Variants in SRSF1 observed in about 807,000 individuals in gnomAD.
SRSF1 encodes serine and arginine rich splicing factor 1, also known as serine/arginine-rich splicing factor 1.
Under a neutral mutation model 25.9 loss-of-function variants are expected in SRSF1, and 1 was observed. The ratio of observed to expected loss-of-function variants is 0.04; its 90% CI spans 0.01 to 0.18. The LOEUF is 0.18. Among genes scored for constraint, SRSF1 ranks in the 10% least tolerant of loss-of-function variants. SRSF1 has a pLI of 1.00. For missense variants in SRSF1, 65 were observed against 350.5 expected, an observed-to-expected ratio of 0.19 and a Z score of 6.50; for synonymous variants, 132 against 126.2, an observed-to-expected ratio of 1.05 and a Z score of -0.31.
chr17:58,001,006 CTG>C lies in SRSF1; in HGVS notation c.*4398_*4399del, dbSNP rs771466508. Among the ~76,000 whole-genome samples, 1 of 152,110 alleles carries C rather than the reference CTG, an allele frequency of 6.6e-6. No homozygotes were observed. The highest frequency in any genetic ancestry group is 1.5e-5 in the Non-Finnish European group (1 of 67,984). The stretch of plus-strand genomic sequence containing the variant: ...TGGATTTCAAAAAATGGATAAGAGA[CTG>C]TAATCTGTTTTCTGCGTTTGCAGTC... On this transcript the variant is annotated 3_prime_UTR_variant, in exon 4 of 4. Coordinates refer to ENST00000258962, the MANE Select transcript of SRSF1 (RefSeq NM_006924.5).
At chr17:57,992,376 A>T in the SRSF1 span, 4 of 152,226 alleles carry the variant, frequency 2.6e-5, no homozygotes, top group Non-Finnish European at 5.9e-5. Flanking sequence ...ATGGCTGAGC[A>T]TGGAAAAAGT....
chr17:57,999,132 GA>G (rs1396718680), downstream of SRSF1, among the ~76,000 whole-genome samples: 2 of 152,136 alleles, frequency 1.3e-5, no homozygotes, highest in Non-Finnish European at 2.9e-5. Context: ...GTGAGGCCTA[GA>G]AAATAGAAAA....
chr17:57,997,422 TAA>T (rs939447717), downstream of SRSF1, among the ~76,000 whole-genome samples: 4 of 152,228 alleles, frequency 2.6e-5, no homozygotes, highest in African/African-American at 9.6e-5. Flanking sequence ...CCATCAATAT[TAA>T]AACTGTCAGC....
chr17:58,006,140 T>G lies in SRSF1; in HGVS notation c.380-167A>C, dbSNP rs2075425413. 22 of 962,246 alleles carry G rather than the reference T, an allele frequency of 2.3e-5. No individual in the cohort carries two copies. In the South Asian group the frequency reaches 3.9e-4, roughly 17 times the overall value. 59.6% of individuals were successfully genotyped at this position (962,246 alleles called of 1,614,324 possible). ...TCTGGAATCCAGAGTCCAAAATTAT[T>G]TGTAACGATCTTCGTATCTAGTACC... On this transcript the variant is annotated intron_variant, in intron 2 of 3. Transcript: ENST00000258962.
At chr17:57,995,824 A>T in the SRSF1 span, among the ~76,000 whole-genome samples, 4 of 152,200 alleles carry the variant, frequency 2.6e-5, no homozygotes, top group Non-Finnish European at 5.9e-5. Flanking sequence ...AATGAAACTA[A>T]ATACTACGTG....
chr17:58,006,859 C>G, intron 1 of SRSF1, 85 bp downstream of exon 1: 2 of 1,495,804 alleles, frequency 1.3e-6, no homozygotes, highest in Admixed American at 1.8e-5. Flanking sequence ...GCCCCCGCTT[C>G]CCCGTTCTCT....
chr17:58,006,104 G>T, intron 2 of SRSF1, 131 bp from the exon 3 acceptor site: 1 of 997,894 alleles, frequency 1.0e-6, no homozygotes, highest in Non-Finnish European at 1.4e-6. Flanking sequence ...GGTAAAGAGA[G>T]CTGGTAAGAT....
downstream of SRSF1, among the ~76,000 whole-genome samples, chr17:57,999,835 T>C (rs543222488): frequency 8.7e-4 from 133 of 152,294 alleles, no homozygotes; most frequent in Admixed American, 1.7e-3. Flanking sequence ...TATAGCATCC[T>C]AGAGAAGCTG....
chr17:58,005,242 C>A lies in SRSF1; in HGVS notation c.*164G>T, dbSNP rs781025039. ...CTTAAAATACAATTTATCAAAGACA[C>A]GAAGGGAATGTAGATGTTAGGAGCA... On this transcript the variant is annotated 3_prime_UTR_variant, in exon 4 of 4. Coordinates refer to ENST00000258962, the MANE Select transcript of SRSF1 (RefSeq NM_006924.5). The surrounding 1 kb of genome is among the most constrained non-coding windows in gnomAD (Gnocchi z 5.2). 1 of 697,606 alleles carries A rather than the reference C, an allele frequency of 1.4e-6. No homozygotes were observed. The allele number at this position is 697,606 out of a possible 1,614,324, so 43.2% of individuals were successfully genotyped here.
chr17:57,989,423 CTT>C, the SRSF1 span: 9 of 397,632 alleles, frequency 2.3e-5, no homozygotes, highest in Non-Finnish European at 3.5e-5. Context: ...TATTTTAAGA[CTT>C]TAACATTTTC....
At chr17:57,996,497 A>AAAAAC (rs2075365802), downstream of SRSF1, among the ~76,000 whole-genome samples, 1 of 151,210 alleles carries the variant, frequency 6.6e-6, no homozygotes, top group Non-Finnish European at 1.5e-5. Flanking sequence ...AAAAAAAAAA[A>AAAAAC]AAAAAACAGC....
the SRSF1 span, chr17:57,989,586 T>G: frequency 1.0e-5 from 4 of 397,662 alleles, no homozygotes; most frequent in Non-Finnish European, 1.8e-5. Flanking sequence ...AATTTGACAG[T>G]GTGTTTCCTT....
At chr17:57,997,176 T>G (rs574223979), downstream of SRSF1, among the ~76,000 whole-genome samples, 1 of 152,336 alleles carries the variant, frequency 6.6e-6, no homozygotes, top group Admixed American at 6.5e-5. Context: ...CCACTTACTT[T>G]GGTCTTACAA....
chr17:57,995,572 C>T, the SRSF1 span, among the ~76,000 whole-genome samples: 1 of 152,224 alleles, frequency 6.6e-6, no homozygotes, highest in African/African-American at 2.4e-5. Flanking sequence ...CAACCCTCAG[C>T]ACACAGGGTA....
chr17:58,005,152 A>G lies in SRSF1; in HGVS notation c.*254T>C, dbSNP rs890740837. ...CACAAACCAGGGCAGATAGACATTT[A>G]CACAATATCACAGTCTGAAGAGTAT... On this transcript the variant is annotated 3_prime_UTR_variant, in exon 4 of 4. Coordinates refer to ENST00000258962, the MANE Select transcript of SRSF1 (RefSeq NM_006924.5). The surrounding 1 kb of genome is among the most constrained non-coding windows in gnomAD (Gnocchi z 5.2). The G allele has an allele frequency of 7.5e-6, 4 of 536,802 alleles. No homozygotes were observed. Among genetic ancestry groups the G allele is most frequent in the Non-Finnish European group, 1.3e-5 (4 of 306,244 alleles). 33.3% of individuals were successfully genotyped at this position (536,802 alleles called of 1,614,324 possible).
At chr17:57,998,509 T>C (rs1047606533), downstream of SRSF1, among the ~76,000 whole-genome samples, 3 of 152,218 alleles carry the variant, frequency 2.0e-5, no homozygotes, top group African/African-American at 7.2e-5. Context: ...CTTTTCTTTC[T>C]ACAAGGAGAA....
At chr17:57,996,856 C>G (rs1476148340), downstream of SRSF1, among the ~76,000 whole-genome samples, 1 of 152,092 alleles carries the variant, frequency 6.6e-6, no homozygotes, top group East Asian at 1.9e-4. Flanking sequence ...GCTTAAGACT[C>G]CCAACCCAAG....
chr17:57,996,260 A>C (rs1237043750), downstream of SRSF1, among the ~76,000 whole-genome samples: 1 of 152,074 alleles, frequency 6.6e-6, no homozygotes, highest in Non-Finnish European at 1.5e-5. Context: ...CGAAGCGGGC[A>C]GATCACGAGG....
the SRSF1 span, chr17:57,992,449 G>A: frequency 6.6e-6 from 1 of 151,804 alleles, no homozygotes; most frequent in South Asian, 2.1e-4. Flanking sequence ...CTCAATTATA[G>A]CATTGTGCTA....
Sources: allele counts gnomAD v4.1 joint callset (sites outside exome capture counted in the v4.1 genomes callset), GRCh38; gene constraint gnomAD v4.1.1; non-coding constraint Gnocchi (gnomAD v3.1); transcripts MANE v1.5; gene names NCBI Gene and HGNC (gene_info 2026-07-23, HGNC 2026-07-21).